TPRG1: variants seen among roughly 807,000 people sequenced by gnomAD.
The protein encoded by TPRG1 is tumor protein p63-regulated gene 1 protein.
TPRG1 carries 29 observed loss-of-function variants against 29.3 expected under a neutral mutation model. The observed-to-expected ratio is 0.99, with a 90% CI of 0.74 to 1.35. TPRG1 has a LOEUF of 1.35. Ranked by LOEUF, TPRG1 falls within the 40% of genes most tolerant of loss-of-function variation. TPRG1 has a pLI of 0.00. For missense variants in TPRG1, 327 were observed against 335.0 expected, an observed-to-expected ratio of 0.98 and a Z score of 0.19; for synonymous variants, 130 against 116.8, an observed-to-expected ratio of 1.11 and a Z score of -0.73.
rs978644850 is a variant in TPRG1 at position 189,269,812 on chromosome 3, A to C, written c.479+30903A>C. ...TGGCAAAGCTGAGAGTAAGACTTAA[A>C]GATGGGTAAACAGCTAAGGAGTTTT... On this transcript the variant is annotated intron_variant, in intron 4 of 5. Coordinates refer to ENST00000345063, the MANE Select transcript of TPRG1 (RefSeq NM_198485.4). Among the ~76,000 whole-genome samples, 12 of 152,330 alleles carry C rather than the reference A, an allele frequency of 7.9e-5. No homozygotes were observed. In the South Asian group the frequency reaches 2.3e-3, roughly 29 times the overall value.
chr3:189,030,652 T>C (rs1197429054), intron 4 of TPRG1, among the ~76,000 whole-genome samples: 1 of 152,136 alleles, frequency 6.6e-6, no homozygotes, highest in Non-Finnish European at 1.5e-5. Context: ...CCTAGAAGTA[T>C]GAAGAAGAGT....
At chr3:189,032,002 T>C (rs188835700) in intron 4 of TPRG1, among the ~76,000 whole-genome samples, 3 of 152,266 alleles carry the variant, frequency 2.0e-5, no homozygotes, top group Admixed American at 1.3e-4. Context: ...ATAAAAGATG[T>C]GGGAGGTAGA....
intron 4 of TPRG1, among the ~76,000 whole-genome samples, chr3:189,057,081 T>TTC (rs1715749433): frequency 6.6e-6 from 1 of 152,214 alleles, no homozygotes; most frequent in Non-Finnish European, 1.5e-5. Flanking sequence ...CTATCATGCT[T>TTC]TCTCTAAGCT....
At chr3:189,192,323 ATATT>A (rs1427588978) in intron 1 of TPRG1, among the ~76,000 whole-genome samples, 1 of 152,174 alleles carries the variant, frequency 6.6e-6, no homozygotes, top group Non-Finnish European at 1.5e-5. Flanking sequence ...TGTAGTAAAG[ATATT>A]TATTACTGAT....
At chr3:189,279,957 A>G (rs1560643360) in intron 4 of TPRG1, among the ~76,000 whole-genome samples, 2 of 152,322 alleles carry the variant, frequency 1.3e-5, no homozygotes, top group South Asian at 4.1e-4. Flanking sequence ...AGGAAAAGTT[A>G]GAATATTTGG....
chr3:189,311,729 G>A (rs1442409763), intron 5 of TPRG1, among the ~76,000 whole-genome samples: 2 of 152,046 alleles, frequency 1.3e-5, no homozygotes, highest in South Asian at 2.1e-4. Context: ...AACTAGCTTG[G>A]TATATGGATC....
At chr3:189,154,711 G>A (rs1312711179) in intron 5 of TPRG1, among the ~76,000 whole-genome samples, 1 of 152,178 alleles carries the variant, frequency 6.6e-6, no homozygotes, top group African/African-American at 2.4e-5. Flanking sequence ...CCAAAGTGCT[G>A]GGATTACAGG....
chr3:189,228,368 T>TTAAAG (rs10693139), intron 3 of TPRG1, among the ~76,000 whole-genome samples: 4 of 151,636 alleles, frequency 2.6e-5, no homozygotes, highest in East Asian at 1.9e-4. Context: ...GCAAAAATTC[T>TTAAAG]TAATAGCAAA....
upstream of TPRG1, among the ~76,000 whole-genome samples, chr3:189,096,350 C>T (rs1372055030): frequency 2.0e-5 from 3 of 152,222 alleles, no homozygotes; most frequent in East Asian, 3.8e-4. Context: ...AGACTTCTCT[C>T]ACCCCTCTTC....
At chr3:189,194,372 C>A (rs1257048872) in intron 1 of TPRG1, among the ~76,000 whole-genome samples, 7 of 152,204 alleles carry the variant, frequency 4.6e-5, no homozygotes, top group African/African-American at 7.2e-5. Flanking sequence ...CTACAAGTAG[C>A]TGCAGTGGTG....
At chr3:188,999,586 G>A (rs962668065) in intron 1 of TPRG1, among the ~76,000 whole-genome samples, 2 of 151,958 alleles carry the variant, frequency 1.3e-5, no homozygotes, top group East Asian at 1.9e-4. Flanking sequence ...TTTTTCTTAT[G>A]AGGAGAATAA....
At position 189,133,148 on chromosome 3, in the gene TPRG1, A is replaced by C. The variant is rs562244228; in HGVS notation, c.-291+451A>C. On this transcript the variant is annotated intron_variant, in intron 3 of 6. Coordinates refer to the TPRG1 transcript ENST00000412373. ...AGCAATGAGTCTAATTTAGGTTGAAATGTAACATACAAATAAGGAAGTAGA... is the reference window on the plus strand; with the variant it reads ...AGCAATGAGTCTAATTTAGGTTGAACTGTAACATACAAATAAGGAAGTAGA... Among the ~76,000 whole-genome samples the C allele has an allele frequency of 1.1e-4, 17 of 152,336 alleles. No homozygotes were observed. The South Asian group carries it at 3.3e-3, about 30-fold the overall frequency.
intron 4 of TPRG1, among the ~76,000 whole-genome samples, chr3:189,275,578 C>T (rs1194973563): frequency 1.3e-5 from 2 of 152,066 alleles, no homozygotes; most frequent in African/African-American, 4.8e-5. Flanking sequence ...AGAATAAAGC[C>T]ATATGGTCAG....
At chr3:189,116,996 G>A (rs1234939524) in intron 1 of TPRG1, among the ~76,000 whole-genome samples, 1 of 152,116 alleles carries the variant, frequency 6.6e-6, no homozygotes, top group Non-Finnish European at 1.5e-5. Context: ...TTTTCTCAAA[G>A]AGAAGTTAGA....
At chr3:189,307,053 C>T (rs1721738552) in intron 4 of TPRG1, among the ~76,000 whole-genome samples, 1 of 152,148 alleles carries the variant, frequency 6.6e-6, no homozygotes, top group South Asian at 2.1e-4. Flanking sequence ...GACAGAGTCT[C>T]GCTCTGTTGC....
chr3:189,216,906 A>G (rs1736155120), intron 3 of TPRG1, among the ~76,000 whole-genome samples: 1 of 152,216 alleles, frequency 6.6e-6, no homozygotes, highest in Admixed American at 6.5e-5. Context: ...AGATCCCATC[A>G]GTAGCAAACA....
chr3:189,035,244 T>C (rs1315032545), intron 4 of TPRG1, among the ~76,000 whole-genome samples: 1 of 152,070 alleles, frequency 6.6e-6, no homozygotes, highest in Non-Finnish European at 1.5e-5. Context: ...ATGCGGAAGA[T>C]TGAAACTGAA....
intron 1 of TPRG1, among the ~76,000 whole-genome samples, chr3:189,108,476 A>AT (rs1246684302): frequency 6.6e-6 from 1 of 151,364 alleles, no homozygotes; most frequent in Non-Finnish European, 1.5e-5. Flanking sequence ...TTCTCTGATT[A>AT]TTTTTTACTT....
chr3:189,183,429 A>G (rs1450208112), intron 1 of TPRG1, among the ~76,000 whole-genome samples: 1 of 152,188 alleles, frequency 6.6e-6, no homozygotes, highest in African/African-American at 2.4e-5. Flanking sequence ...CATTGATAAC[A>G]TCTTATCAGG....
Sources: gnomAD v4.1 joint callset for allele counts (sites outside exome capture counted in the v4.1 genomes callset) on GRCh38, gnomAD v4.1.1 for gene constraint, MANE v1.5 for transcripts, NCBI Gene and HGNC (gene_info 2026-07-23, HGNC 2026-07-21) for gene names.